Variants in ZEB2 observed in about 807,000 individuals in gnomAD.
ZEB2 encodes the protein zinc finger E-box-binding homeobox 2.
Under a neutral mutation model 99.9 loss-of-function variants are expected in ZEB2, and 6 were observed. The ratio of observed to expected loss-of-function variants is 0.06; its 90% confidence interval spans 0.03 to 0.12. The LOEUF is 0.12. Ranked by LOEUF, ZEB2 falls within the 10% of genes least tolerant of loss-of-function variation. The pLI is 1.00. For missense variants in ZEB2, 969 were observed against 1,502.8 expected (o/e 0.64, Z 5.87); for synonymous variants, 517 against 542.5 (o/e 0.95, Z 0.65).
intron 2 of ZEB2, among the ~76,000 whole-genome samples, chr2:144,498,719 T>C (rs896351889): frequency 6.6e-6 from 1 of 152,130 alleles, no homozygotes; most frequent in Non-Finnish European, 1.5e-5. Context: ...CACCTCTAAA[T>C]TGCACTTTTC....
rs544037596 is a variant in ZEB2, at chr2:144,388,396, T to G, written c.*1055A>C. ...CATGTTCCTTTTTTACTAAAATATA[T>G]CTATATATTGAAGAACTATAATACT... On this transcript the variant is annotated 3_prime_UTR_variant, in exon 10 of 10. Transcript: ENST00000627532. The surrounding 1 kb of genome is among the most constrained non-coding windows in gnomAD (Gnocchi z 5.4). 2 of 152,626 alleles carry G rather than the reference T, an allele frequency of 1.3e-5. No homozygotes were observed. The highest frequency in any genetic ancestry group is 1.3e-4 in the Admixed American group (2 of 15,290). The allele number at this position is 152,626 out of a possible 1,614,324, so 9.5% of individuals were successfully genotyped here.
At chr2:144,409,218 A>G (rs955708514) in intron 4 of ZEB2, among the ~76,000 whole-genome samples, 3 of 152,142 alleles carry the variant, frequency 2.0e-5, no homozygotes, top group Non-Finnish European at 4.4e-5. Flanking sequence ...TCTTAAAACT[A>G]AAATCACCCT....
At chr2:144,517,192 C>T (rs1189781968) in intron 2 of ZEB2, 86 bp downstream of exon 2, 34 of 1,577,250 alleles carry the variant, frequency 2.2e-5, no homozygotes, top group Admixed American at 3.4e-5. Flanking sequence ...GCCGCCGCCT[C>T]GGTTCCTTTT....
At chr2:144,517,763 C>T (rs1705186427) in intron 1 of ZEB2, 2 of 690,876 alleles carry the variant, frequency 2.9e-6, no homozygotes, top group Non-Finnish European at 5.3e-6. Flanking sequence ...TTCGAAAAGT[C>T]CTCAGCCCCC....
At chr2:144,510,032 T>TA (rs1163184541) in intron 2 of ZEB2, among the ~76,000 whole-genome samples, 2 of 151,864 alleles carry the variant, frequency 1.3e-5, no homozygotes, top group South Asian at 2.1e-4. Context: ...TTAAACATAC[T>TA]AAAAAAATCT....
At chr2:144,461,006 G>A (rs1212488012) in intron 2 of ZEB2, 2 of 151,986 alleles carry the variant, frequency 1.3e-5, no homozygotes, top group Admixed American at 6.6e-5. Context: ...TTGGAAATAT[G>A]AGTAATTAGA....
intron 1 of ZEB2, chr2:144,517,627 A>G (rs1309810288): frequency 1.3e-5 from 8 of 635,064 alleles, no homozygotes; most frequent in Non-Finnish European, 2.3e-5. Context: ...GGTGTGTTGC[A>G]CCCGCGAGGG....
intron 2 of ZEB2, among the ~76,000 whole-genome samples, chr2:144,490,207 G>A (rs1704656862): frequency 6.6e-6 from 1 of 152,216 alleles, no homozygotes; most frequent in African/African-American, 2.4e-5. Flanking sequence ...CTGTCACTTA[G>A]TGGTTGCATG....
At chr2:144,405,739 G>C (rs1226182607) in intron 4 of ZEB2, among the ~76,000 whole-genome samples, 1 of 152,132 alleles carries the variant, frequency 6.6e-6, no homozygotes, top group African/African-American at 2.4e-5. Context: ...AAAAGTAACA[G>C]AGGGAGTTAA....
chr2:144,495,450 C>T (rs1477322553), intron 2 of ZEB2: 1 of 152,210 alleles, frequency 6.6e-6, no homozygotes, highest in South Asian at 2.1e-4. Context: ...GGAGGCCTTT[C>T]CCGTGTCTTA....
intron 2 of ZEB2, among the ~76,000 whole-genome samples, chr2:144,431,999 G>GAAA (rs80124435): frequency 2.7e-5 from 3 of 112,786 alleles, no homozygotes; most frequent in Admixed American, 9.6e-5. Context: ...CTTTATCCTG[G>GAAA]AAAAAAAAAA....
In ZEB2 at chr2:144,389,853, G is replaced by A; in HGVS notation, c.3243C>T (p.Cys1081=). ...CTTCCCGCTCCTCCGCCTCCCGCTT[G>A]CAGTAGGAATACCTGTGATTCATGT... is the stretch of plus-strand genomic sequence containing the variant. ...SQHMNHRYSY[C]KREAEEREAA... The change falls in exon 10 of 10, where the codon TGC becomes TGT. Residue 1081 remains cysteine, a synonymous_variant. Transcript: ENST00000627532. This position sits in a 1 kb window ranked among gnomAD's most constrained non-coding sequence, Gnocchi z 6.8. 1 of 1,613,616 alleles carries A rather than the reference G, an allele frequency of 6.2e-7. No homozygotes were observed. The highest frequency in any genetic ancestry group is 1.3e-5 in the African/African-American group (1 of 75,022).
chr2:144,515,418 G>A (rs940810786), intron 2 of ZEB2, among the ~76,000 whole-genome samples: 1 of 151,944 alleles, frequency 6.6e-6, no homozygotes, highest in Admixed American at 6.6e-5. Flanking sequence ...TGTAATTTTA[G>A]TGTCTACTAA....
chr2:144,471,505 C>T (rs917088543), intron 2 of ZEB2, among the ~76,000 whole-genome samples: 1 of 151,822 alleles, frequency 6.6e-6, no homozygotes, highest in African/African-American at 2.4e-5. Context: ...CATGCACACT[C>T]TTCTCTCTCT....
chr2:144,480,770 C>T lies in ZEB2; in HGVS notation c.73+36508G>A, dbSNP rs201247515. 1.2e-4 allele frequency among the ~76,000 whole-genome samples: 18 copies of T among 150,114 alleles called. No homozygotes were observed. The East Asian group carries it at 3.3e-3, about 28-fold the overall frequency. ...AAAAAGGACAAGGCTAATAAATGTT[C>T]CCAAAGCTATTTGGCTAGTTTCCCT... On this transcript the variant is annotated intron_variant, in intron 2 of 9. Coordinates refer to ENST00000627532, the MANE Select transcript of ZEB2 (RefSeq NM_014795.4).
chr2:144,389,634 C>T lies in ZEB2; in HGVS notation c.3462G>A (p.Gln1154=). 6.2e-7 allele frequency: 1 copy of T among 1,614,136 alleles called. No individual in the cohort carries two copies. Among genetic ancestry groups the T allele is most frequent in the South Asian group, 1.1e-5 (1 of 91,082 alleles). ...CCTCCTCGAACTCCTCGTCGCCATC[C>T]TGTCTGCCCAGCTTCCCGTAGCCAT... ...GEDGYGKLGR[Q]DGDEEFEEEE... The change falls in exon 10 of 10, where the codon CAG becomes CAA. Residue 1154 remains glutamine, a synonymous_variant. Transcript: ENST00000627532. This position sits in a 1 kb window ranked among gnomAD's most constrained non-coding sequence, Gnocchi z 6.8.
intron 2 of ZEB2, among the ~76,000 whole-genome samples, chr2:144,436,216 A>G (rs538150579): frequency 6.6e-6 from 1 of 152,312 alleles, no homozygotes; most frequent in East Asian, 1.9e-4. Flanking sequence ...GCCAATTTGA[A>G]ATATTCAGAT....
chr2:144,466,649 A>G (rs1704276317), intron 2 of ZEB2, among the ~76,000 whole-genome samples: 1 of 152,210 alleles, frequency 6.6e-6, no homozygotes, highest in African/African-American at 2.4e-5. Flanking sequence ...TAATAAGCTG[A>G]ATAATAAGGG....
In ZEB2 at chr2:144,403,931, C is replaced by T; in HGVS notation, c.792G>A (p.Lys264=). ...ATCCCCCCACCTGATCTGTCCCTGGCTTGTGTGTCACCATATGCCGCTCGA... is the reference window on the plus strand; with the variant it reads ...ATCCCCCCACCTGATCTGTCCCTGGTTTGTGTGTCACCATATGCCGCTCGA... The part of the protein sequence containing the change: ...TQLERHMVTH[K]PGTDQHQMLT... The change falls in exon 6 of 10, where the codon AAG becomes AAA. Residue 264 remains lysine (K), a synonymous_variant. Coordinates refer to ENST00000627532, the MANE Select transcript of ZEB2 (RefSeq NM_014795.4). The T allele has an allele frequency of 6.2e-7, 1 of 1,614,176 alleles. No individual in the cohort carries two copies. Among genetic ancestry groups the T allele is most frequent in the Admixed American group, 1.7e-5 (1 of 60,024 alleles).
Sources: gnomAD v4.1 joint callset for allele counts (sites outside exome capture counted in the v4.1 genomes callset) on GRCh38, gnomAD v4.1.1 for gene constraint, Gnocchi (gnomAD v3.1) non-coding constraint, MANE v1.5 for transcripts, NCBI Gene and HGNC (gene_info 2026-07-23, HGNC 2026-07-21) for gene names.